Variants in CA5A observed in about 807,000 individuals in gnomAD.
The protein encoded by CA5A is carbonic anhydrase 5A, mitochondrial.
A neutral mutation model predicts 37.1 loss-of-function variants in CA5A; 28 were observed. The ratio of observed to expected loss-of-function variants is 0.75; its 90% CI spans 0.56 to 1.03. The LOEUF (loss-of-function observed/expected upper bound fraction) is 1.03. Among genes scored for constraint, CA5A ranks in the 50% least tolerant of loss-of-function variants. The pLI is 0.00. For missense variants in CA5A, 444 were observed against 399.9 expected, an observed-to-expected ratio of 1.11 and a Z score of -0.94; for synonymous variants, 171 against 158.4, an observed-to-expected ratio of 1.08 and a Z score of -0.60.
At chr16:87,888,460 G>C (rs2055668866) in intron 6 of CA5A, among the ~76,000 whole-genome samples, 188 bp from the exon 7 acceptor site, 1 of 152,104 alleles carries the variant, frequency 6.6e-6, no homozygotes, top group Admixed American at 6.6e-5. Flanking sequence ...TTCCGCCTTG[G>C]TCTTTAGGAT....
chr16:87,936,424 G>C lies in CA5A; in HGVS notation c.27C>G (p.Thr9=). 6.2e-7 allele frequency: 1 copy of C among 1,614,010 alleles called. No homozygotes were observed. The change falls in exon 1 of 7, where the codon ACC becomes ACG. Residue 9 remains threonine, a synonymous_variant. Transcript: ENST00000649794. MLGRNTWK[T]SAFSFLVEQM... ...GCTCAACCAAGAAGGAGAAAGCTGA[G>C]GTCTTCCAAGTGTTCCTCCCCAACA...
intron 2 of CA5A, among the ~76,000 whole-genome samples, chr16:87,906,017 G>C (rs1223084883): frequency 6.6e-6 from 1 of 152,210 alleles, no homozygotes; most frequent in African/African-American, 2.4e-5. Context: ...CCAGGGGTTC[G>C]GATGTGGGTG....
intron 2 of CA5A, among the ~76,000 whole-genome samples, chr16:87,915,689 CAAAAAAAA>C (rs10593708): frequency 1.9e-4 from 16 of 83,618 alleles, no homozygotes; most frequent in Non-Finnish European, 3.0e-4. Flanking sequence ...ATCCTGTCTC[CAAAAAAAA>C]AAAAAAAAAA....
chr16:87,920,574 C>T (rs1440187658), intron 2 of CA5A, among the ~76,000 whole-genome samples: 1 of 151,862 alleles, frequency 6.6e-6, no homozygotes, highest in Non-Finnish European at 1.5e-5. Context: ...CCTCCCAAAG[C>T]ACTGGGATTA....
At chr16:87,898,314 G>A in intron 5 of CA5A, among the ~76,000 whole-genome samples, 1 of 152,202 alleles carries the variant, frequency 6.6e-6, no homozygotes, top group South Asian at 2.1e-4. Flanking sequence ...GAGTCCGCGG[G>A]GGAGTGGCAG....
intron 2 of CA5A, among the ~76,000 whole-genome samples, chr16:87,918,957 G>C (rs561906474): frequency 6.7e-6 from 1 of 148,374 alleles, no homozygotes; most frequent in East Asian, 2.0e-4. Flanking sequence ...AAAGGAAACT[G>C]GGTTTTGGAG....
chr16:87,929,705 T>C (rs1281561957), intron 1 of CA5A, among the ~76,000 whole-genome samples: 1 of 150,740 alleles, frequency 6.6e-6, no homozygotes, highest in Non-Finnish European at 1.5e-5. Flanking sequence ...ACCCGGTCTC[T>C]ACTAAAAATA....
chr16:87,926,980 A>T, intron 1 of CA5A, 35 bp from the exon 2 acceptor site: 3 of 1,370,680 alleles, frequency 2.2e-6, no homozygotes, highest in Non-Finnish European at 3.0e-6. Context: ...TGAGTGAGGC[A>T]TGAGCTTCAT....
In CA5A at chr16:87,909,778, C is replaced by T. The variant is rs1442673802; in HGVS notation, c.341-4874G>A. On this transcript the variant is annotated intron_variant, in intron 2 of 6. Coordinates refer to ENST00000649794, the MANE Select transcript of CA5A (RefSeq NM_001739.2). ...AATTAGACCTGCGCCGCGAAGACCG[C>T]CCACCAGCAAAATGCCAAGCGTATT... Among the ~76,000 whole-genome samples the T allele has an allele frequency of 2.0e-5, 3 of 152,182 alleles. No homozygotes were observed. In the East Asian group the frequency reaches 5.8e-4, roughly 29 times the overall value.
intron 5 of CA5A, among the ~76,000 whole-genome samples, chr16:87,901,215 G>A (rs190025589): frequency 2.0e-5 from 3 of 152,288 alleles, no homozygotes; most frequent in East Asian, 3.9e-4. Flanking sequence ...GAGTGACAGA[G>A]GGAGACTCCT....
At chr16:87,914,742 AG>A (rs1294468244) in intron 2 of CA5A, among the ~76,000 whole-genome samples, 1 of 152,140 alleles carries the variant, frequency 6.6e-6, no homozygotes, top group African/African-American at 2.4e-5. Context: ...GCAGTCCACA[AG>A]GTGGTCAGGA....
At chr16:87,890,260 C>A (rs2055694242) in intron 6 of CA5A, among the ~76,000 whole-genome samples, 1 of 152,228 alleles carries the variant, frequency 6.6e-6, no homozygotes, top group Non-Finnish European at 1.5e-5. Flanking sequence ...TGCCCCCCTC[C>A]CACCCTCTCT....
Position 87,888,124 on chromosome 16 carries a change from T to A in CA5A, c.*5A>T. On this transcript the variant is annotated 3_prime_UTR_variant, in exon 7 of 7. Coordinates refer to ENST00000649794, the MANE Select transcript of CA5A (RefSeq NM_001739.2). ...AGTTCTGCTATTCATGTGGACCTAA[T>A]GTCTCTAGGACCTTGTGCCCTCATT... 1 of 1,594,408 alleles carries A rather than the reference T, an allele frequency of 6.3e-7. No individual in the cohort carries two copies. The highest frequency in any genetic ancestry group is 8.6e-7 in the Non-Finnish European group (1 of 1,168,246).
At position 87,893,684 on chromosome 16, in the gene CA5A, C is replaced by A. The variant is rs140367077; in HGVS notation, c.619-1730G>T. On this transcript the variant is annotated intron_variant, in intron 5 of 6. Coordinates refer to ENST00000649794, the MANE Select transcript of CA5A (RefSeq NM_001739.2). ...CCGAGGCTCGGGCTGGGTCAGCAACCGAATTCCAGTTTAAAGGCAGATTTG... is the reference window on the plus strand; with the variant it reads ...CCGAGGCTCGGGCTGGGTCAGCAACAGAATTCCAGTTTAAAGGCAGATTTG... The A allele has an allele frequency of 1.7e-4, 95 of 548,666 alleles. No individual in the cohort carries two copies. The East Asian group carries it at 4.2e-3, about 24-fold the overall frequency. The allele number at this position is 548,666 out of a possible 1,614,324, so 34.0% of individuals were successfully genotyped here.
At chr16:87,894,107 G>GTAGT (rs2055766460) in intron 5 of CA5A, among the ~76,000 whole-genome samples, 1 of 152,108 alleles carries the variant, frequency 6.6e-6, no homozygotes, top group Non-Finnish European at 1.5e-5. Context: ...GAATCATAGG[G>GTAGT]TAGTTCTATT....
chr16:87,924,464 A>AG (rs1455420358), intron 2 of CA5A: 1 of 306,196 alleles, frequency 3.3e-6, no homozygotes, highest in African/African-American at 2.3e-5. Context: ...AGGCAGGAGC[A>AG]GGCTCAGGCT....
intron 2 of CA5A, among the ~76,000 whole-genome samples, chr16:87,925,869 C>T (rs1012643358): frequency 2.0e-5 from 3 of 152,146 alleles, no homozygotes; most frequent in African/African-American, 4.8e-5. Flanking sequence ...CTATTTAACC[C>T]CTGCTCCCCT....
intron 2 of CA5A, among the ~76,000 whole-genome samples, chr16:87,917,791 T>C (rs931772307): frequency 0.018 from 1,712 of 96,090 alleles, 31 homozygotes; most frequent in African/African-American, 0.12. Context: ...CACACATGTA[T>C]ACACAGTGCA....
At chr16:87,919,253 T>C (rs903830759) in intron 2 of CA5A, among the ~76,000 whole-genome samples, 18 of 152,282 alleles carry the variant, frequency 1.2e-4, no homozygotes, top group African/African-American at 2.6e-4. Context: ...ATGGCCAGGG[T>C]GCACGTCCAG....
Sources: allele counts gnomAD v4.1 joint callset (sites outside exome capture counted in the v4.1 genomes callset), GRCh38; gene constraint gnomAD v4.1.1; transcripts MANE v1.5; gene names NCBI Gene and HGNC (gene_info 2026-07-23, HGNC 2026-07-21).